NFATC1: variants seen among roughly 807,000 people sequenced by gnomAD.
NFATC1 encodes the protein nuclear factor of activated T cells 1, also known as nuclear factor of activated T-cells, cytoplasmic 1.
A neutral mutation model predicts 76.0 loss-of-function variants in NFATC1; 22 were observed. The ratio of observed to expected loss-of-function variants is 0.29; its 90% CI spans 0.21 to 0.41. NFATC1 has a LOEUF of 0.41. Ranked by LOEUF, NFATC1 falls within the 10% of genes least tolerant of loss-of-function variation. The pLI is 1.00. For missense variants in NFATC1, 1,357 were observed against 1,337.7 expected (o/e 1.01, Z -0.23); for synonymous variants, 704 against 613.1 (o/e 1.15, Z -2.19).
At chr18:79,400,375 C>CCCCGG (rs1365254999) in intron 1 of NFATC1, 14 of 1,476,144 alleles carry the variant, frequency 9.5e-6, no homozygotes, top group South Asian at 1.3e-5. Context: ...CCCGCCCCGG[C>CCCCGG]CCCGGCCCGA....
rs577582640 is a variant in NFATC1, at chr18:79,410,911, C to G, written c.636C>G (p.Pro212=). ...CATGGCAGTCTCCCTGCGTGTCTCC[C>G]AAGACCACGGACCCCGAGGAGGGCT... ...TSPWQSPCVS[P]KTTDPEEGFP... Residue 212 remains proline, a synonymous_variant, in exon 2 of 10, where the codon CCC becomes CCG. Transcript: ENST00000427363. This position sits in a 1 kb window ranked among gnomAD's most constrained non-coding sequence, Gnocchi z 6.7. 1,030 of 1,607,650 alleles carry G rather than the reference C, an allele frequency of 6.4e-4. 8 individuals carry two copies. The South Asian group carries it at 8.8e-3, about 14-fold the overall frequency.
rs569816466 is a variant in NFATC1, at chr18:79,524,334, G to A, written c.2783-3194G>A. ...GCGGGGCGAGCACGGCTCCACGTAC[G>A]GCTCTCGTCCGCGGTGTGGATGGGT... On this transcript the variant is annotated intron_variant, in intron 9 of 9. Coordinates refer to ENST00000427363, the MANE Select transcript of NFATC1 (RefSeq NM_001278669.2). The surrounding 1 kb of genome is among the most constrained non-coding windows in gnomAD (Gnocchi z 7.2). Among the ~76,000 whole-genome samples, 58 of 152,360 alleles carry A rather than the reference G, an allele frequency of 3.8e-4. No homozygotes were observed. The highest frequency in any genetic ancestry group is 1.3e-3 in the African/African-American group (54 of 41,586).
chr18:79,416,209 G>C (rs1178304755), intron 2 of NFATC1, among the ~76,000 whole-genome samples: 3 of 152,220 alleles, frequency 2.0e-5, no homozygotes, highest in African/African-American at 7.2e-5. Context: ...TGTTTCATAA[G>C]TTATCTGAAA....
rs139868056 is a variant in NFATC1 at position 79,509,001 on chromosome 18, C to T, written c.2783-18527C>T. ...TCTCTGCTGGAGTGGACAGGGTTGTCGGTCTCCACTGCCGTGCCAGGTGTC... is the reference window on the plus strand; with the variant it reads ...TCTCTGCTGGAGTGGACAGGGTTGTTGGTCTCCACTGCCGTGCCAGGTGTC... On this transcript the variant is annotated intron_variant, in intron 9 of 9. Transcript: ENST00000427363. 4.4e-3 allele frequency among the ~76,000 whole-genome samples: 663 copies of T among 151,826 alleles called. 6 individuals carry two copies. Among genetic ancestry groups the T allele is most frequent in the African/African-American group, 0.015 (630 of 41,384 alleles).
At chr18:79,403,511 G>A (rs891719283) in intron 1 of NFATC1, among the ~76,000 whole-genome samples, 11 of 152,344 alleles carry the variant, frequency 7.2e-5, no homozygotes, top group African/African-American at 1.9e-4. Flanking sequence ...GGAGGCGGGC[G>A]TGCCCTGCTT....
At chr18:79,411,585 C>T (rs1316281103) in intron 2 of NFATC1, 84 bp downstream of exon 2, 19 of 1,059,272 alleles carry the variant, frequency 1.8e-5, no homozygotes, top group Non-Finnish European at 2.2e-5. Flanking sequence ...CGGGGGGCGG[C>T]GCGGGGCGGC....
chr18:79,433,522 T>TGG (rs2086668656), intron 2 of NFATC1, 57 bp from the exon 3 acceptor site: 1 of 1,603,320 alleles, frequency 6.2e-7, no homozygotes, highest in Non-Finnish European at 8.5e-7. Context: ...CGGGCACGTG[T>TGG]GGCCCGGGCG....
At chr18:79,434,071 G>C (rs1359911615) in intron 3 of NFATC1, among the ~76,000 whole-genome samples, 2 of 152,356 alleles carry the variant, frequency 1.3e-5, no homozygotes, top group African/African-American at 4.8e-5. Context: ...GTTCTCACCA[G>C]CAGCACCAGC....
chr18:79,439,370 C>T (rs1212876506), intron 3 of NFATC1, among the ~76,000 whole-genome samples: 1 of 152,208 alleles, frequency 6.6e-6, no homozygotes, highest in Non-Finnish European at 1.5e-5. Flanking sequence ...ACGCAGAGGC[C>T]CACGCACGGG....
At chr18:79,479,349 C>A (rs564659127) in intron 8 of NFATC1, among the ~76,000 whole-genome samples, 3 of 150,624 alleles carry the variant, frequency 2.0e-5, no homozygotes. Context: ...CCTCCACGGG[C>A]GACAGCGTGA....
At chr18:79,511,222 TAATC>T (rs2090243266) in intron 9 of NFATC1, among the ~76,000 whole-genome samples, 1 of 152,198 alleles carries the variant, frequency 6.6e-6, no homozygotes, top group Non-Finnish European at 1.5e-5. Flanking sequence ...AATAATTGGA[TAATC>T]AATACAGAAA....
chr18:79,519,519 A>G (rs1484600640), intron 9 of NFATC1, among the ~76,000 whole-genome samples: 1 of 151,190 alleles, frequency 6.6e-6, no homozygotes, highest in African/African-American at 2.4e-5. Flanking sequence ...TTGTTTGTAG[A>G]GATGGGGGGT....
At position 79,410,558 on chromosome 18, in the gene NFATC1, G is replaced by A. The variant is rs781552559; in HGVS notation, c.283G>A (p.Gly95Ser). Reference sequence around the variant, plus strand: ...CTCGGGGTACGGAGCAGCTTTGGACGGTGGGCCCGCGGGCTACTTCCTCTC... The same window carrying A: ...CTCGGGGTACGGAGCAGCTTTGGACAGTGGGCCCGCGGGCTACTTCCTCTC... ...HPSGYGAALD[G>S]GPAGYFLSSG... Residue 95 changes from glycine (G) to serine (S), a missense_variant, in exon 2 of 10, where the codon GGT (glycine) becomes AGT (serine). Coordinates refer to ENST00000427363, the MANE Select transcript of NFATC1 (RefSeq NM_001278669.2). This position sits in a 1 kb window ranked among gnomAD's most constrained non-coding sequence, Gnocchi z 6.7. 36 of 1,611,524 alleles carry A rather than the reference G, an allele frequency of 2.2e-5. No individual in the cohort carries two copies. The highest frequency in any genetic ancestry group is 8.3e-5 in the Admixed American group (5 of 59,998).
chr18:79,398,821 C>A (rs1025385419), intron 1 of NFATC1, among the ~76,000 whole-genome samples: 1 of 152,268 alleles, frequency 6.6e-6, no homozygotes, highest in African/African-American at 2.4e-5. Context: ...GTAATCCCAG[C>A]ACTTTGGGAG....
chr18:79,458,862 C>G (rs968430588), intron 6 of NFATC1, among the ~76,000 whole-genome samples: 1 of 152,268 alleles, frequency 6.6e-6, no homozygotes, highest in Non-Finnish European at 1.5e-5. Context: ...TCAGCAGTCT[C>G]GGCGCTTTGT....
chr18:79,403,109 T>C (rs969829955), intron 1 of NFATC1, among the ~76,000 whole-genome samples: 2 of 152,228 alleles, frequency 1.3e-5, no homozygotes, highest in Non-Finnish European at 2.9e-5. Flanking sequence ...GTACCGGGGT[T>C]GGGGGCTGCA....
intron 2 of NFATC1, among the ~76,000 whole-genome samples, chr18:79,424,725 C>CTCTCCG (rs1330785307): frequency 6.6e-6 from 1 of 151,810 alleles, no homozygotes; most frequent in East Asian, 1.9e-4. Flanking sequence ...GTCTCTGTCT[C>CTCTCCG]TCTCCGTCTC....
chr18:79,453,983 G>T (rs751476309), intron 6 of NFATC1, among the ~76,000 whole-genome samples: 1 of 152,218 alleles, frequency 6.6e-6, no homozygotes, highest in South Asian at 2.1e-4. Flanking sequence ...TCCTGGCAAC[G>T]AGAGAAACCA....
At chr18:79,451,964 G>C in intron 6 of NFATC1, 148 bp downstream of exon 6, 1 of 915,644 alleles carries the variant, frequency 1.1e-6, no homozygotes, top group Non-Finnish European at 1.5e-6. Flanking sequence ...TGCGTGGCCC[G>C]TGTCTGCATC....
Sources: allele counts gnomAD v4.1 joint callset (sites outside exome capture counted in the v4.1 genomes callset), GRCh38; gene constraint gnomAD v4.1.1; non-coding constraint Gnocchi (gnomAD v3.1); transcripts MANE v1.5; gene names NCBI Gene and HGNC (gene_info 2026-07-23, HGNC 2026-07-21).